FOXP4: variants seen among roughly 807,000 people sequenced by gnomAD.
FOXP4 encodes the protein forkhead box P4.
FOXP4 carries 25 observed loss-of-function variants against 82.6 expected under a neutral mutation model. That is an observed-to-expected ratio of 0.30 (90% CI 0.22 to 0.42). The LOEUF is 0.42. Ranked by LOEUF, FOXP4 falls within the 10% of genes least tolerant of loss-of-function variation. FOXP4 has a pLI of 1.00. For missense variants in FOXP4, 785 were observed against 900.9 expected (o/e 0.87, Z 1.65); for synonymous variants, 415 against 388.2 (o/e 1.07, Z -0.81).
chr6:41,547,022 G>C (rs1472112881), intron 1 of FOXP4, among the ~76,000 whole-genome samples, 155 bp downstream of exon 1: 16 of 151,582 alleles, frequency 1.1e-4, no homozygotes. Flanking sequence ...GCCAGGAGGA[G>C]CCGGGCCCGG....
At chr6:41,596,698 A>G (rs376181103) in intron 14 of FOXP4, among the ~76,000 whole-genome samples, 14 of 152,210 alleles carry the variant, frequency 9.2e-5, no homozygotes, top group East Asian at 3.9e-4. Context: ...GGAGGCTTCC[A>G]TACAGAAGCC....
intron 1 of FOXP4, among the ~76,000 whole-genome samples, chr6:41,564,655 G>A (rs973272091): frequency 3.9e-5 from 6 of 152,096 alleles, no homozygotes; most frequent in East Asian, 1.9e-4. Flanking sequence ...CTGGACCTTC[G>A]GTTTTTCCAT....
At chr6:41,549,842 C>G (rs1419332864) in intron 1 of FOXP4, among the ~76,000 whole-genome samples, 3 of 152,154 alleles carry the variant, frequency 2.0e-5, no homozygotes, top group Non-Finnish European at 4.4e-5. Flanking sequence ...TTCCCTGCAT[C>G]TTAACCCTTC....
At chr6:41,560,848 G>T (rs529075491) in intron 1 of FOXP4, among the ~76,000 whole-genome samples, 2 of 152,236 alleles carry the variant, frequency 1.3e-5, no homozygotes, top group Admixed American at 6.5e-5. Flanking sequence ...TACTCGCTAC[G>T]CCATATGGGC....
At chr6:41,562,574 G>C (rs1009811157) in intron 1 of FOXP4, among the ~76,000 whole-genome samples, 3 of 152,096 alleles carry the variant, frequency 2.0e-5, no homozygotes, top group African/African-American at 7.2e-5. Context: ...CTTACTGTCT[G>C]ATCTGCAACT....
chr6:41,597,852 C>T lies in FOXP4; in HGVS notation c.1797C>T (p.Ser599=), dbSNP rs755466705. 5.0e-6 allele frequency: 8 copies of T among 1,602,010 alleles called. No individual in the cohort carries two copies. The Admixed American group carries it at 1.0e-4, about 20-fold the overall frequency. ...PGMLNPGSAS[S]LLPLSHDDVG... is the part of the protein sequence containing the mutation. The stretch of plus-strand genomic sequence containing the variant: ...TGCTGAACCCTGGCTCCGCCAGCAG[C>T]CTGCTGCCCCTCAGCCACGATGACG... Residue 599 remains serine, a synonymous_variant, in exon 16 of 17, where the codon AGC becomes AGT. Transcript: ENST00000307972.
At position 41,599,116 on chromosome 6, in the gene FOXP4, C is replaced by T; in HGVS notation, c.*180C>T. On this transcript the variant is annotated 3_prime_UTR_variant, in exon 17 of 17. Transcript: ENST00000307972. Reference sequence around the variant, plus strand: ...AAAAACACGTAGGGGCAGGGACGGTCCCCACCCCCAGGGACACAACCCCTG... The same window carrying T: ...AAAAACACGTAGGGGCAGGGACGGTTCCCACCCCCAGGGACACAACCCCTG... The T allele has an allele frequency of 1.3e-6, 1 of 796,220 alleles. No individual in the cohort carries two copies. Among genetic ancestry groups the T allele is most frequent in the East Asian group, 2.8e-5 (1 of 35,380 alleles). 49.3% of individuals were successfully genotyped at this position (796,220 alleles called of 1,614,324 possible). A position where few individuals can be genotyped will look rare whatever the true frequency, so the allele number is the denominator to read the frequency against.
chr6:41,571,651 A>C (rs1227447296), intron 2 of FOXP4, among the ~76,000 whole-genome samples: 2 of 152,216 alleles, frequency 1.3e-5, no homozygotes, highest in Non-Finnish European at 2.9e-5. Flanking sequence ...TGGTGTAAAA[A>C]AATTTACAGC....
rs190955964 is a variant in FOXP4, at chr6:41,599,448, G to A, written c.*512G>A. On this transcript the variant is annotated 3_prime_UTR_variant, in exon 17 of 17. Transcript: ENST00000307972. ...AACTCTCCACCCCAGCTCCCACCCTGCCCTGGCCTGGGTGGAGGAACTGTG... is the reference window on the plus strand; with the variant it reads ...AACTCTCCACCCCAGCTCCCACCCTACCCTGGCCTGGGTGGAGGAACTGTG... The A allele has an allele frequency of 1.3e-5, 2 of 154,528 alleles. No individual in the cohort carries two copies. Among genetic ancestry groups the A allele is most frequent in the Non-Finnish European group, 2.9e-5 (2 of 69,454 alleles). 9.6% of individuals were successfully genotyped at this position (154,528 alleles called of 1,614,324 possible). A position where few individuals can be genotyped will look rare whatever the true frequency, so the allele number is the denominator to read the frequency against.
At chr6:41,584,664 C>A in intron 3 of FOXP4, 105 bp from the exon 4 acceptor site, 1 of 1,344,292 alleles carries the variant, frequency 7.4e-7, no homozygotes, top group Non-Finnish European at 1.0e-6. Flanking sequence ...GGAACCCAGG[C>A]AGCCTCCCTG....
intron 2 of FOXP4, among the ~76,000 whole-genome samples, chr6:41,569,901 C>G (rs1160872215): frequency 6.6e-6 from 1 of 151,836 alleles, no homozygotes; most frequent in Non-Finnish European, 1.5e-5. Context: ...TTACCTCACC[C>G]CCCCTTCAAA....
chr6:41,552,659 G>A (rs774511828), intron 1 of FOXP4, among the ~76,000 whole-genome samples: 7 of 152,208 alleles, frequency 4.6e-5, no homozygotes, highest in Non-Finnish European at 1.0e-4. Context: ...AACACAAGGG[G>A]TTTTCGGCAC....
Position 41,598,964 on chromosome 6 carries a change from G to A in FOXP4, c.*28G>A. The A allele has an allele frequency of 6.5e-7, 1 of 1,537,440 alleles. No homozygotes were observed. The highest frequency in any genetic ancestry group is 8.7e-7 in the Non-Finnish European group (1 of 1,146,396). ...GCCTGTAGTGACCGGCAGGGCTGGG[G>A]TGAGACCCCTCCCTTCCAGAATCCA... On this transcript the variant is annotated 3_prime_UTR_variant, in exon 17 of 17. Coordinates refer to ENST00000307972, the MANE Select transcript of FOXP4 (RefSeq NM_001012426.2).
At chr6:41,562,132 T>A (rs1337546245) in intron 1 of FOXP4, among the ~76,000 whole-genome samples, 1 of 152,194 alleles carries the variant, frequency 6.6e-6, no homozygotes, top group African/African-American at 2.4e-5. Context: ...ATGAGGCTGC[T>A]GGTGTGCTCA....
chr6:41,560,899 C>T (rs1161374657), intron 1 of FOXP4, among the ~76,000 whole-genome samples: 1 of 152,226 alleles, frequency 6.6e-6, no homozygotes, highest in African/African-American at 2.4e-5. Context: ...TGTGGGGTTC[C>T]CCTTCTCTTT....
intron 8 of FOXP4, 119 bp downstream of exon 8, chr6:41,588,016 A>G: frequency 1.6e-6 from 1 of 615,944 alleles, no homozygotes. Context: ...TACTGTCCTC[A>G]CTCCAGAGGG....
chr6:41,590,097 C>T lies in FOXP4; in HGVS notation c.1284C>T (p.Gly428=). Residue 428 remains glycine, a synonymous_variant, in exon 11 of 17, where the codon GGC becomes GGT. Transcript: ENST00000307972. The part of the protein sequence containing the change: ...PVTPLRPPGL[G]SASLHGGGPA... ...CCCCTCTACGGCCCCCTGGCCTGGGCTCTGCCTCCCTGCATGGTGGGGGCC... is the reference window on the plus strand; with the variant it reads ...CCCCTCTACGGCCCCCTGGCCTGGGTTCTGCCTCCCTGCATGGTGGGGGCC... The T allele has an allele frequency of 6.2e-7, 1 of 1,613,552 alleles. No homozygotes were observed.
intron 5 of FOXP4, 70 bp downstream of exon 5, chr6:41,585,587 A>G (rs1766064000): frequency 1.4e-6 from 2 of 1,418,894 alleles, no homozygotes; most frequent in Non-Finnish European, 1.9e-6. Context: ...AGAGCTGGTC[A>G]GGAGGGAATT....
chr6:41,578,524 C>G (rs1048856748), intron 3 of FOXP4, among the ~76,000 whole-genome samples: 46 of 152,134 alleles, frequency 3.0e-4, no homozygotes, highest in African/African-American at 1.1e-3. Flanking sequence ...CCAAGTCCCC[C>G]CTTCTCTTAT....
Sources: gnomAD v4.1 joint callset for allele counts (sites outside exome capture counted in the v4.1 genomes callset) on GRCh38, gnomAD v4.1.1 for gene constraint, MANE v1.5 for transcripts, NCBI Gene and HGNC (gene_info 2026-07-23, HGNC 2026-07-21) for gene names.